Variants in SORL1 observed in about 807,000 individuals in gnomAD.
SORL1 encodes sortilin-related receptor.
Under a neutral mutation model 273.7 loss-of-function variants are expected in SORL1, and 127 were observed. The observed-to-expected ratio is 0.46, with a 90% CI of 0.40 to 0.54. The LOEUF (loss-of-function observed/expected upper bound fraction) is 0.54, where lower values mean the gene tolerates loss of function less well. Among genes scored for constraint, SORL1 ranks in the 20% least tolerant of loss-of-function variants. SORL1 has a pLI of 0.00. For synonymous variants in SORL1, 1,031 were observed against 1,067.4 expected, an observed-to-expected ratio of 0.97 and a Z score of 0.66; for missense variants, 2,494 against 2,846.1, an observed-to-expected ratio of 0.88 and a Z score of 2.81.
intron 3 of SORL1, among the ~76,000 whole-genome samples, chr11:121,479,905 G>C (rs1419168105): frequency 6.6e-6 from 1 of 152,148 alleles, no homozygotes; most frequent in African/African-American, 2.4e-5. Flanking sequence ...TGAAAAGCAA[G>C]GAGAAGGTGT....
rs189597347 is a variant in SORL1 at position 121,576,820 on chromosome 11, C to T, written c.3461-461C>T. 2.6e-4 allele frequency: 392 copies of T among 1,531,554 alleles called. No homozygotes were observed. In the African/African-American group the frequency reaches 4.8e-3, roughly 19 times the overall value. The allele number at this position is 1,531,554 out of a possible 1,614,324, so 94.9% of individuals were successfully genotyped here. ...GAGCTCAGCACTGATTTTACTCTCT[C>T]TGACTGAGCATCTCACGGTGATCAG... is the stretch of plus-strand genomic sequence containing the variant. On this transcript the variant is annotated intron_variant, in intron 24 of 47. Transcript: ENST00000260197.
chr11:121,587,330 T>C (rs1405748633), intron 27 of SORL1, among the ~76,000 whole-genome samples: 2 of 152,210 alleles, frequency 1.3e-5, no homozygotes, highest in Non-Finnish European at 2.9e-5. Context: ...ACTGAGGCTA[T>C]ATAGTTCAAG....
Position 121,630,322 on chromosome 11 carries a change from G to C in SORL1, c.*759G>C, listed in dbSNP as rs1355244029. Reference sequence around the variant, plus strand: ...TTATATTAATTGATGGAATTTTACTGTATGTGCCTCTGTACAAGATGTAGC... The same window carrying C: ...TTATATTAATTGATGGAATTTTACTCTATGTGCCTCTGTACAAGATGTAGC... On this transcript the variant is annotated 3_prime_UTR_variant, in exon 48 of 48. Transcript: ENST00000260197. 1 of 152,186 alleles carries C rather than the reference G, an allele frequency of 6.6e-6. No individual in the cohort carries two copies. Among genetic ancestry groups the C allele is most frequent in the Non-Finnish European group, 1.5e-5 (1 of 68,048 alleles). 9.4% of individuals were successfully genotyped at this position (152,186 alleles called of 1,614,324 possible).
intron 27 of SORL1, among the ~76,000 whole-genome samples, chr11:121,586,689 A>G (rs1366370876): frequency 3.9e-4 from 2 of 5,146 alleles, no homozygotes; most frequent in Admixed American, 4.3e-3. Flanking sequence ...CACTGGGGGT[A>G]GAGTGGGGGG....
At chr11:121,473,389 T>TGTG (rs1178903798) in intron 2 of SORL1, among the ~76,000 whole-genome samples, 2 of 152,196 alleles carry the variant, frequency 1.3e-5, no homozygotes, top group African/African-American at 4.8e-5. Flanking sequence ...TTGAAGCCAG[T>TGTG]GTGATTCCAT....
chr11:121,574,217 TG>T (rs1565341261), intron 23 of SORL1, 23 bp from the exon 24 acceptor site: 22 of 1,612,152 alleles, frequency 1.4e-5, no homozygotes, highest in Non-Finnish European at 1.9e-5. Context: ...CTAAGGAATA[TG>T]TTGTCTTTCT....
chr11:121,625,705 G>A (rs956417707), intron 46 of SORL1, among the ~76,000 whole-genome samples: 2 of 151,926 alleles, frequency 1.3e-5, no homozygotes, highest in African/African-American at 4.8e-5. Flanking sequence ...CCTCTGCCCC[G>A]CCCCGGCTTC....
At chr11:121,575,891 G>A (rs1185112008) in intron 24 of SORL1, among the ~76,000 whole-genome samples, 2 of 152,126 alleles carry the variant, frequency 1.3e-5, no homozygotes, top group Non-Finnish European at 2.9e-5. Context: ...TCAGCCCCCT[G>A]ATCCTCTGTT....
At chr11:121,608,790 CAG>C (rs920524695) in intron 38 of SORL1, 3 of 152,550 alleles carry the variant, frequency 2.0e-5, no homozygotes, top group Admixed American at 6.5e-5. Flanking sequence ...CAGTAAGTGA[CAG>C]AGCTGGCCCT....
rs1221123027 is a variant in SORL1 at position 121,590,101 on chromosome 11, C to A, written c.4140C>A (p.His1380Gln). 1 of 1,614,162 alleles carries A rather than the reference C, an allele frequency of 6.2e-7. No individual in the cohort carries two copies. Residue 1380 changes from histidine (H) to glutamine (Q), a missense_variant, in exon 30 of 48, where the codon CAC becomes CAA. Coordinates refer to ENST00000260197, the MANE Select transcript of SORL1 (RefSeq NM_003105.6). ...RYFQFRCENG[H>Q]CIPNRWKCDR... is the part of the protein sequence containing the mutation. ...TCCAGTTTCGGTGTGAGAATGGCCA[C>A]TGCATCCCCAACAGATGGAAATGTG...
chr11:121,607,997 A>G, intron 37 of SORL1, 107 bp from the exon 38 acceptor site: 1 of 965,154 alleles, frequency 1.0e-6, no homozygotes. Flanking sequence ...AAATTTTTCC[A>G]GCCTCACTGC....
chr11:121,599,432 T>G (rs1427248003), intron 32 of SORL1, among the ~76,000 whole-genome samples: 3 of 152,088 alleles, frequency 2.0e-5, no homozygotes, highest in Non-Finnish European at 4.4e-5. Flanking sequence ...TAATCCTAGC[T>G]ATTTGGGAGG....
rs1966864161 is a variant in SORL1 at position 121,478,044 on chromosome 11, A to G, written c.403-74A>G. 3.4e-6 allele frequency: 5 copies of G among 1,461,956 alleles called. No homozygotes were observed. In the East Asian group the frequency reaches 1.2e-4, roughly 34 times the overall value. The allele number at this position is 1,461,956 out of a possible 1,614,324, so 90.6% of individuals were successfully genotyped here. A position where few individuals can be genotyped will look rare whatever the true frequency, so the allele number is the denominator to read the frequency against. On this transcript the variant is annotated intron_variant, in intron 2 of 47. Transcript: ENST00000260197. ...TGAAACTCAGTCTCAAAAAAAAAAA[A>G]AAAAAAAAGAAAGATCTTTCTGCCA... is the stretch of plus-strand genomic sequence containing the variant.
intron 32 of SORL1, among the ~76,000 whole-genome samples, chr11:121,602,099 T>C (rs536566339): frequency 3.9e-5 from 6 of 152,348 alleles, no homozygotes; most frequent in South Asian, 2.1e-4. Flanking sequence ...GAATTCCATC[T>C]TGGGCTTCTG....
intron 29 of SORL1, among the ~76,000 whole-genome samples, 193 bp downstream of exon 29, chr11:121,589,583 G>A (rs1863177840): frequency 6.6e-6 from 1 of 152,152 alleles, no homozygotes; most frequent in Non-Finnish European, 1.5e-5. Flanking sequence ...CAGGTGCTAG[G>A]GAAAAGTTTA....
rs115331635 is a variant in SORL1 at position 121,455,255 on chromosome 11, T to C, written c.285+2639T>C. Among the ~76,000 whole-genome samples the C allele has an allele frequency of 6.8e-3, 1,035 of 152,196 alleles. 8 individuals carry two copies. The highest frequency in any genetic ancestry group is 0.024 in the African/African-American group (993 of 41,504). ...GAAACCAGCCACAACTCTACAATGG[T>C]GTGATAACGGGCTGTGTGACATGCA... On this transcript the variant is annotated intron_variant, in intron 1 of 47. Coordinates refer to ENST00000260197, the MANE Select transcript of SORL1 (RefSeq NM_003105.6).
At chr11:121,474,676 T>A (rs754888030) in intron 2 of SORL1, among the ~76,000 whole-genome samples, 5 of 152,222 alleles carry the variant, frequency 3.3e-5, no homozygotes, top group Non-Finnish European at 7.3e-5. Context: ...CCCGTCTGGA[T>A]GAAAAACCAA....
At chr11:121,567,266 A>G (rs1439633694) in intron 22 of SORL1, among the ~76,000 whole-genome samples, 153 bp downstream of exon 22, 2 of 152,326 alleles carry the variant, frequency 1.3e-5, no homozygotes, top group Admixed American at 6.5e-5. Context: ...ACTCATAAGA[A>G]TACTGGTTTG....
intron 5 of SORL1, among the ~76,000 whole-genome samples, chr11:121,495,399 G>A (rs955438731): frequency 6.6e-6 from 1 of 152,096 alleles, no homozygotes; most frequent in African/African-American, 2.4e-5. Context: ...TCTGGCAAAA[G>A]AGGTTCTTGT....
Sources: gnomAD v4.1 joint callset for allele counts (sites outside exome capture counted in the v4.1 genomes callset) on GRCh38, gnomAD v4.1.1 for gene constraint, MANE v1.5 for transcripts, NCBI Gene and HGNC (gene_info 2026-07-23, HGNC 2026-07-21) for gene names.